CDCA2: variants seen among roughly 807,000 people sequenced by gnomAD.
CDCA2 encodes the protein cell division cycle-associated protein 2.
Under a neutral mutation model 67.0 loss-of-function variants are expected in CDCA2, and 44 were observed. That is an observed-to-expected ratio of 0.66 (90% CI 0.52 to 0.84). The LOEUF (loss-of-function observed/expected upper bound fraction) is 0.84, where lower values mean the gene tolerates loss of function less well. CDCA2 is among the 40% of genes least tolerant of loss of function. The pLI is 0.00. For missense variants in CDCA2, 1,253 were observed against 1,203.2 expected (o/e 1.04, Z -0.61); for synonymous variants, 447 against 418.7 (o/e 1.07, Z -0.82).
At chr8:25,487,224 T>G in intron 11 of CDCA2, 22 bp from the exon 12 acceptor site, 1 of 1,545,860 alleles carries the variant, frequency 6.5e-7, no homozygotes, top group Non-Finnish European at 8.9e-7. Flanking sequence ...TACCCTGATT[T>G]AGCTTTTGTC....
chr8:25,463,902 C>G (rs903468852), intron 4 of CDCA2, among the ~76,000 whole-genome samples: 1 of 152,172 alleles, frequency 6.6e-6, no homozygotes, highest in African/African-American at 2.4e-5. Flanking sequence ...AGGCCTTGGC[C>G]CTTGTTCTTG....
chr8:25,494,308 A>G (rs1458907441), intron 13 of CDCA2, among the ~76,000 whole-genome samples: 1 of 152,118 alleles, frequency 6.6e-6, no homozygotes, highest in Non-Finnish European at 1.5e-5. Context: ...TTCTTAATAT[A>G]TTACTTAAAA....
chr8:25,483,525 A>G (rs1463132252), intron 9 of CDCA2, 39 bp downstream of exon 9: 1 of 1,428,962 alleles, frequency 7.0e-7, no homozygotes, highest in Non-Finnish European at 9.8e-7. Flanking sequence ...TGAGGATATC[A>G]TTTTCATGTT....
At chr8:25,501,691 A>T (rs7826948) in intron 13 of CDCA2, among the ~76,000 whole-genome samples, 1 of 152,134 alleles carries the variant, frequency 6.6e-6, no homozygotes, top group Non-Finnish European at 1.5e-5. Context: ...AACACCTCCT[A>T]CAGGCCAGGT....
chr8:25,459,646 T>C (rs1276797059), intron 1 of CDCA2, among the ~76,000 whole-genome samples, 173 bp downstream of exon 1: 1 of 152,220 alleles, frequency 6.6e-6, no homozygotes, highest in Non-Finnish European at 1.5e-5. Flanking sequence ...AGCTGCGTCT[T>C]GAGAGGGGTA....
chr8:25,470,376 GT>G (rs1317406953), intron 7 of CDCA2, among the ~76,000 whole-genome samples: 1 of 152,070 alleles, frequency 6.6e-6, no homozygotes, highest in Non-Finnish European at 1.5e-5. Flanking sequence ...ACTAGCAAGG[GT>G]TTAGATTGAC....
chr8:25,462,156 A>C lies in CDCA2; in HGVS notation c.335A>C (p.Gln112Pro). Residue 112 changes from glutamine to proline, a missense_variant, in exon 4 of 15, where the codon CAA (glutamine) becomes CCA (proline). Gln to Pro is a moderately conservative substitution (Grantham distance 76, BLOSUM62 -1). Coordinates refer to ENST00000330560, the MANE Select transcript of CDCA2 (RefSeq NM_152562.4). ...CTGATTCGTTTCATTGCTCGGCAGC[A>C]AAATATAAAGAATGCTAGGAAATCT... ...NHLIRFIARQ[Q>P]NIKNARKSPL... is the part of the protein sequence containing the mutation. 1 of 1,614,220 alleles carries C rather than the reference A, an allele frequency of 6.2e-7. No homozygotes were observed. The highest frequency in any genetic ancestry group is 8.5e-7 in the Non-Finnish European group (1 of 1,180,020).
At chr8:25,501,479 T>C (rs1004530497) in intron 13 of CDCA2, among the ~76,000 whole-genome samples, 4 of 152,212 alleles carry the variant, frequency 2.6e-5, no homozygotes, top group African/African-American at 7.2e-5. Context: ...CTCCTGCCAC[T>C]CCTGCATGGA....
intron 13 of CDCA2, among the ~76,000 whole-genome samples, chr8:25,499,182 C>T (rs1804368818): frequency 6.6e-6 from 1 of 151,878 alleles, no homozygotes; most frequent in South Asian, 2.1e-4. Flanking sequence ...AGGGAGCTAA[C>T]TGCAAGAGCT....
chr8:25,487,215 A>T (rs1803811919), intron 11 of CDCA2, 31 bp from the exon 12 acceptor site: 2 of 1,481,302 alleles, frequency 1.4e-6, no homozygotes. Flanking sequence ...TTGGTTTCCT[A>T]CCCTGATTTA....
intron 13 of CDCA2, among the ~76,000 whole-genome samples, chr8:25,489,919 A>T (rs1803936315): frequency 6.6e-6 from 1 of 152,206 alleles, no homozygotes; most frequent in Non-Finnish European, 1.5e-5. Flanking sequence ...TGCTATGTCA[A>T]AATCAGCATT....
intron 13 of CDCA2, among the ~76,000 whole-genome samples, chr8:25,502,368 T>C (rs1221870233): frequency 2.0e-5 from 3 of 152,268 alleles, no homozygotes; most frequent in African/African-American, 7.2e-5. Flanking sequence ...CATAAAACAT[T>C]ATTTCTTGGT....
intron 10 of CDCA2, 77 bp from the exon 11 acceptor site, chr8:25,485,682 T>C: frequency 4.1e-6 from 3 of 735,306 alleles, no homozygotes; most frequent in Non-Finnish European, 6.8e-6. Context: ...CCAAAATAAA[T>C]TCTTACTCTT....
chr8:25,466,342 C>G lies in CDCA2; in HGVS notation c.538+17C>G. On this transcript the variant is annotated intron_variant, in intron 5 of 14. Transcript: ENST00000330560. ...CAGACTTGAGTGAGTAGAAATAATT[C>G]GTTCAGTTTTGACTTCAATATTTAT... is the stretch of plus-strand genomic sequence containing the variant. 1 of 1,564,828 alleles carries G rather than the reference C, an allele frequency of 6.4e-7. No homozygotes were observed. The highest frequency in any genetic ancestry group is 1.2e-5 in the South Asian group (1 of 82,992).
chr8:25,468,323 G>C lies in CDCA2; in HGVS notation c.645G>C (p.Thr215=), dbSNP rs115462158. ...AGAGAGACTCTGATGAAAATCTGAC[G>C]GATGCTGAAGGAAAAGTAATTGGTC... ...SYQRDSDENL[T]DAEGKVIGLQ... The change falls in exon 6 of 15, where the codon ACG becomes ACC. Residue 215 remains threonine (T), a synonymous_variant. Transcript: ENST00000330560. 6.2e-7 allele frequency: 1 copy of C among 1,613,718 alleles called. No individual in the cohort carries two copies.
chr8:25,482,054 A>G (rs558955101), intron 8 of CDCA2, among the ~76,000 whole-genome samples: 2 of 152,294 alleles, frequency 1.3e-5, no homozygotes, highest in South Asian at 4.1e-4. Flanking sequence ...GGTGATTAAG[A>G]GGGAACTTTG....
chr8:25,485,209 TAAAG>T (rs143427364), intron 10 of CDCA2, among the ~76,000 whole-genome samples: 23,517 of 75,222 alleles, frequency 0.31, 2,287 homozygotes, highest in Middle Eastern at 0.41. Flanking sequence ...ATAATAATAA[TAAAG>T]AAAAAGCATT....
Position 25,507,803 on chromosome 8 carries a change from T to C in CDCA2, c.*65T>C. ...ACCATCTATGCTGAAATGATCTGTC[T>C]AGTTCCCATTCTCTGTTCAACCTCA... On this transcript the variant is annotated 3_prime_UTR_variant, in exon 15 of 15. Coordinates refer to ENST00000330560, the MANE Select transcript of CDCA2 (RefSeq NM_152562.4). The C allele has an allele frequency of 6.7e-7, 1 of 1,484,070 alleles. No homozygotes were observed. The highest frequency in any genetic ancestry group is 8.9e-7 in the Non-Finnish European group (1 of 1,119,218). 91.9% of individuals were successfully genotyped at this position (1,484,070 alleles called of 1,614,324 possible). A position where few individuals can be genotyped will look rare whatever the true frequency, so the allele number is the denominator to read the frequency against.
intron 13 of CDCA2, among the ~76,000 whole-genome samples, chr8:25,494,884 T>G (rs982307559): frequency 6.6e-6 from 1 of 151,614 alleles, no homozygotes; most frequent in Non-Finnish European, 1.5e-5. Context: ...GAGTGTGCAT[T>G]GAGAAATAAC....
Sources: allele counts gnomAD v4.1 joint callset (sites outside exome capture counted in the v4.1 genomes callset), GRCh38; gene constraint gnomAD v4.1.1; transcripts MANE v1.5; gene names NCBI Gene and HGNC (gene_info 2026-07-23, HGNC 2026-07-21).